USP25: variants seen among roughly 807,000 people sequenced by gnomAD.
USP25 encodes the protein ubiquitin specific peptidase 25, also known as ubiquitin carboxyl-terminal hydrolase 25.
Under a neutral mutation model 158.5 loss-of-function variants are expected in USP25, and 85 were observed. The ratio of observed to expected loss-of-function variants is 0.54; its 90% CI spans 0.45 to 0.64. USP25 has a LOEUF of 0.64. USP25 is among the 30% of genes least tolerant of loss of function. The pLI is 0.00. For synonymous variants in USP25, 464 were observed against 460.4 expected (o/e 1.01, Z -0.10); for missense variants, 1,242 against 1,327.3 (o/e 0.94, Z 1.00).
chr21:15,739,489 AGTCTCTTCTCT>A (rs955832877), intron 1 of USP25, among the ~76,000 whole-genome samples: 6 of 152,074 alleles, frequency 3.9e-5, no homozygotes, highest in African/African-American at 1.4e-4. Context: ...GTAGTTTGTC[AGTCTCTTCTCT>A]GTCATCCTAG....
rs1338209595 is a variant in USP25 at position 15,824,005 on chromosome 21, T to G, written c.1081-34T>G. The G allele has an allele frequency of 3.8e-6, 6 of 1,593,306 alleles. No homozygotes were observed. The African/African-American group carries it at 8.1e-5, about 21-fold the overall frequency. On this transcript the variant is annotated intron_variant, in intron 10 of 25. Coordinates refer to ENST00000400183, the MANE Select transcript of USP25 (RefSeq NM_001283041.3). ...TGCAGTGAAGAAAACAAAGGTGGTA[T>G]TAAAGTTTTTGTTATTGTTTTATTT...
At chr21:15,778,738 T>C (rs757029926) in intron 4 of USP25, among the ~76,000 whole-genome samples, 2 of 152,068 alleles carry the variant, frequency 1.3e-5, no homozygotes, top group South Asian at 2.1e-4. Context: ...AATGGAGATA[T>C]AATAATTTAA....
At chr21:15,862,848 GCCTT>G (rs1268045543) in intron 20 of USP25, among the ~76,000 whole-genome samples, 1 of 145,638 alleles carries the variant, frequency 6.9e-6, no homozygotes, top group Non-Finnish European at 1.5e-5. Flanking sequence ...GAACATATTA[GCCTT>G]CCTTTTTAAT....
Position 15,832,437 on chromosome 21 carries a change from A to AC in USP25, c.1993+809dup. On this transcript the variant is annotated intron_variant, in intron 16 of 25. Transcript: ENST00000400183. ...GAATCAGCTAGGCAGTCCACTTCTG[A>AC]CTAAAAAAATGAAGTTATTTTTCTG... Among the ~76,000 whole-genome samples the AC allele has an allele frequency of 2.0e-5, 3 of 152,330 alleles. No individual in the cohort carries two copies. The South Asian group carries it at 6.2e-4, about 32-fold the overall frequency.
chr21:15,851,503 TACACAC>T (rs10595077), intron 20 of USP25, among the ~76,000 whole-genome samples: 214 of 147,772 alleles, frequency 1.4e-3, no homozygotes, highest in African/African-American at 4.9e-3. Flanking sequence ...CTATCCCCCA[TACACAC>T]ACACACACAC....
intron 15 of USP25, among the ~76,000 whole-genome samples, 181 bp from the exon 16 acceptor site, chr21:15,831,220 G>A (rs78835267): frequency 1.1e-4 from 16 of 150,960 alleles, no homozygotes; most frequent in African/African-American, 3.4e-4. Flanking sequence ...TTCAGATTCC[G>A]TCTTTTTAAA....
chr21:15,872,742 A>G (rs2039946236), intron 23 of USP25, among the ~76,000 whole-genome samples: 1 of 152,124 alleles, frequency 6.6e-6, no homozygotes, highest in Admixed American at 6.6e-5. Flanking sequence ...CAGGTGTGTA[A>G]TTTGATTTGC....
Position 15,878,490 on chromosome 21 carries a change from C to G in USP25, c.*15C>G. 1 of 1,613,156 alleles carries G rather than the reference C, an allele frequency of 6.2e-7. No homozygotes were observed. Among genetic ancestry groups the G allele is most frequent in the Non-Finnish European group, 8.5e-7 (1 of 1,179,434 alleles). ...ATGGAAGATAAACTGCACACTTTCC[C>G]TGAACACACTGTATAAACTCTTTTT... On this transcript the variant is annotated 3_prime_UTR_variant, in exon 26 of 26. Coordinates refer to ENST00000400183, the MANE Select transcript of USP25 (RefSeq NM_001283041.3).
rs114981112 is a variant in USP25 at position 15,788,054 on chromosome 21, G to T, written c.393-3448G>T. ...TCTTTTTATATTGCTTACTACCAAGGTCATGACCAATTTTGAGAAGATAAA... is the reference window on the plus strand; with the variant it reads ...TCTTTTTATATTGCTTACTACCAAGTTCATGACCAATTTTGAGAAGATAAA... On this transcript the variant is annotated intron_variant, in intron 4 of 25. Coordinates refer to ENST00000400183, the MANE Select transcript of USP25 (RefSeq NM_001283041.3). Among the ~76,000 whole-genome samples the T allele has an allele frequency of 9.5e-3, 1,443 of 151,928 alleles. 21 individuals are homozygous for T. Among genetic ancestry groups the T allele is most frequent in the African/African-American group, 0.033 (1,373 of 41,446 alleles).
chr21:15,812,324 A>G (rs910866072), intron 9 of USP25, among the ~76,000 whole-genome samples: 8 of 152,094 alleles, frequency 5.3e-5, no homozygotes, highest in Non-Finnish European at 2.9e-5. Flanking sequence ...CCTGTATTAT[A>G]TTGATTCCTA....
intron 9 of USP25, among the ~76,000 whole-genome samples, chr21:15,818,333 A>G (rs1365635407): frequency 1.3e-5 from 2 of 152,160 alleles, no homozygotes; most frequent in African/African-American, 4.8e-5. Flanking sequence ...AATGGGTATA[A>G]TGTTTTTTAA....
chr21:15,842,358 G>A (rs1214636996), intron 17 of USP25, 40 bp from the exon 18 acceptor site: 1 of 1,596,558 alleles, frequency 6.3e-7, no homozygotes, highest in African/African-American at 1.4e-5. Context: ...TAGACTCTGT[G>A]GTTTATATTA....
At chr21:15,825,405 A>G (rs889766920) in intron 12 of USP25, among the ~76,000 whole-genome samples, 1 of 152,192 alleles carries the variant, frequency 6.6e-6, no homozygotes, top group African/African-American at 2.4e-5. Context: ...TTTCTCCTTA[A>G]AACAGGATAC....
At chr21:15,771,826 T>C (rs928265041) in intron 3 of USP25, among the ~76,000 whole-genome samples, 5 of 152,180 alleles carry the variant, frequency 3.3e-5, no homozygotes, top group African/African-American at 1.2e-4. Context: ...TCTCAAACTC[T>C]TCACTACCCA....
chr21:15,794,346 T>C (rs1294311422), intron 5 of USP25, among the ~76,000 whole-genome samples: 4 of 151,672 alleles, frequency 2.6e-5, no homozygotes, highest in Non-Finnish European at 5.9e-5. Context: ...TTAAATAATC[T>C]TTTGGCTGCT....
intron 2 of USP25, among the ~76,000 whole-genome samples, chr21:15,765,388 T>C (rs541086803): frequency 1.6e-4 from 24 of 152,160 alleles, no homozygotes; most frequent in Non-Finnish European, 3.2e-4. Context: ...AGCTATACTT[T>C]TGATGAGAAC....
chr21:15,796,177 T>C (rs2035853978), intron 5 of USP25, among the ~76,000 whole-genome samples: 1 of 151,506 alleles, frequency 6.6e-6, no homozygotes, highest in Non-Finnish European at 1.5e-5. Flanking sequence ...TCTTACCTCT[T>C]TTGAAGGAAT....
At chr21:15,858,945 G>A (rs1354261757) in intron 20 of USP25, among the ~76,000 whole-genome samples, 2 of 151,428 alleles carry the variant, frequency 1.3e-5, no homozygotes, top group Admixed American at 1.3e-4. Flanking sequence ...AATTGTAAAG[G>A]TGTTAACTTT....
At position 15,875,151 on chromosome 21, in the gene USP25, A is replaced by G. The variant is rs1222304334; in HGVS notation, c.3009+625A>G. Reference sequence around the variant, plus strand: ...CGCGCCACTGCATTCCATCCTGGCAACCAGGTGACAGAGCAAGACTCTGTC... The same window carrying G: ...CGCGCCACTGCATTCCATCCTGGCAGCCAGGTGACAGAGCAAGACTCTGTC... On this transcript the variant is annotated intron_variant, in intron 24 of 25. Transcript: ENST00000400183. The surrounding 1 kb of genome is among the most constrained non-coding windows in gnomAD (Gnocchi z 4.7). Among the ~76,000 whole-genome samples the G allele has an allele frequency of 6.6e-6, 1 of 152,194 alleles. No homozygotes were observed. The highest frequency in any genetic ancestry group is 1.5e-5 in the Non-Finnish European group (1 of 68,018).
Sources: gnomAD v4.1 joint callset for allele counts (sites outside exome capture counted in the v4.1 genomes callset) on GRCh38, gnomAD v4.1.1 for gene constraint, Gnocchi (gnomAD v3.1) non-coding constraint, MANE v1.5 for transcripts, NCBI Gene and HGNC (gene_info 2026-07-23, HGNC 2026-07-21) for gene names.